The following TRAF2 variants were observed in gnomAD, a reference collection of about 807,000 sequenced individuals.
TRAF2 encodes TNF receptor-associated factor 2.
TRAF2 carries 6 observed loss-of-function variants against 55.6 expected under a neutral mutation model. The observed-to-expected ratio is 0.11, with a 90% CI of 0.06 to 0.21. TRAF2 has a LOEUF of 0.21. TRAF2 is among the 10% of genes least tolerant of loss of function. The pLI is 1.00. For synonymous variants in TRAF2, 329 were observed against 276.3 expected (o/e 1.19, Z -1.89); for missense variants, 561 against 684.5 (o/e 0.82, Z 2.01).
chr9:136,920,623 G>T (rs1850362165), intron 8 of TRAF2, 108 bp downstream of exon 8: 3 of 1,379,414 alleles, frequency 2.2e-6, no homozygotes, highest in Non-Finnish European at 1.9e-6. Context: ...CCCGGACAAT[G>T]TAGAACTCCA....
chr9:136,882,785 CG>C, upstream of TRAF2: 1 of 982,842 alleles, frequency 1.0e-6, no homozygotes, highest in South Asian at 4.7e-5. Context: ...AGCTGGTGGG[CG>C]GGGTGGGGAG....
At position 136,908,196 on chromosome 9, in the gene TRAF2, C is replaced by T. The variant is rs1175515929; in HGVS notation, c.493C>T (p.His165Tyr). 1.9e-6 allele frequency: 3 copies of T among 1,598,892 alleles called. No homozygotes were observed. Among genetic ancestry groups the T allele is most frequent in the African/African-American group, 1.3e-5 (1 of 74,898 alleles). ...CCCGGAGAGAAGCCTGAGCTGCCGG[C>T]ATTGCCGGGCACCCTGCTGCGGAGC... ...ECPERSLSCR[H>Y]CRAPCCGADV... Residue 165 changes from histidine to tyrosine, a missense_variant, in exon 5 of 11, where the codon CAT becomes TAT. By Grantham distance (83) the His-to-Tyr change is moderately conservative. Around this residue, in one of 2 missense-constraint regions of TRAF2, gnomAD observed 426 missense variants for 476.8 expected, o/e 0.89. Coordinates refer to ENST00000247668, the MANE Select transcript of TRAF2 (RefSeq NM_021138.4).
At chr9:136,919,389 C>G (rs887323577) in intron 7 of TRAF2, among the ~76,000 whole-genome samples, 3 of 150,918 alleles carry the variant, frequency 2.0e-5, no homozygotes, top group African/African-American at 4.9e-5. Flanking sequence ...ACCTCCACCT[C>G]CCGGGTTCAA....
upstream of TRAF2, among the ~76,000 whole-genome samples, chr9:136,883,261 G>C (rs1849395342): frequency 6.6e-6 from 1 of 152,168 alleles, no homozygotes; most frequent in South Asian, 2.1e-4. Flanking sequence ...ACTGGGGCAA[G>C]TACTCTGAGA....
At chr9:136,917,542 C>T (rs1378132002) in intron 7 of TRAF2, among the ~76,000 whole-genome samples, 1 of 152,200 alleles carries the variant, frequency 6.6e-6, no homozygotes, top group Non-Finnish European at 1.5e-5. Context: ...GAGGTGGTCC[C>T]CAGCTGAGGT....
At chr9:136,920,605 C>G (rs1166301873) in intron 8 of TRAF2, 90 bp downstream of exon 8, 2 of 1,437,060 alleles carry the variant, frequency 1.4e-6, no homozygotes, top group East Asian at 2.5e-5. Flanking sequence ...GGTCCTGGAG[C>G]TTTAGAGCCC....
At chr9:136,906,743 C>G (rs1042679475) in intron 4 of TRAF2, among the ~76,000 whole-genome samples, 1 of 152,248 alleles carries the variant, frequency 6.6e-6, no homozygotes, top group Non-Finnish European at 1.5e-5. Flanking sequence ...GGGCCAGAGG[C>G]CTGAGAGTCC....
At chr9:136,902,364 C>G (rs1849841394) in intron 4 of TRAF2, 1 of 152,370 alleles carries the variant, frequency 6.6e-6, no homozygotes, top group African/African-American at 2.4e-5. Flanking sequence ...CCATGCCACC[C>G]TTTGAGAGGA....
intron 1 of TRAF2, among the ~76,000 whole-genome samples, chr9:136,892,834 C>A (rs779610852): frequency 7.9e-5 from 12 of 152,104 alleles, no homozygotes; most frequent in Non-Finnish European, 1.5e-4. Flanking sequence ...TTAGATCACA[C>A]CGTTGCACTC....
At chr9:136,883,970 G>A (rs183684989), upstream of TRAF2, among the ~76,000 whole-genome samples, 12 of 148,866 alleles carry the variant, frequency 8.1e-5, no homozygotes, top group African/African-American at 3.0e-4. Context: ...GAGTACAGGC[G>A]CGTACCACCA....
chr9:136,918,266 A>T (rs200867316), intron 7 of TRAF2, among the ~76,000 whole-genome samples: 3,175 of 15,278 alleles, frequency 0.21, 107 homozygotes, highest in African/African-American at 0.37. Context: ...TATTTATTTA[A>T]TTAATTAATT....
chr9:136,919,390 C>T (rs1004517292), intron 7 of TRAF2, among the ~76,000 whole-genome samples: 1 of 149,870 alleles, frequency 6.7e-6, no homozygotes, highest in African/African-American at 2.5e-5. Flanking sequence ...CCTCCACCTC[C>T]CGGGTTCAAA....
In TRAF2 at chr9:136,925,892, A is replaced by G; in HGVS notation, c.1497A>G (p.Thr499=). 4.3e-6 allele frequency: 7 copies of G among 1,614,166 alleles called. No homozygotes were observed. Among genetic ancestry groups the G allele is most frequent in the Non-Finnish European group, 5.9e-6 (7 of 1,180,022 alleles). Residue 499 remains threonine (T), a synonymous_variant, in exon 11 of 11, where the codon ACA becomes ACG. Coordinates refer to ENST00000247668, the MANE Select transcript of TRAF2 (RefSeq NM_021138.4). ...AIFIKAIVDL[T]GL is the part of the protein sequence containing the mutation. ...TCATCAAGGCCATTGTGGACCTGACAGGGCTCTAACTGCCCCCTACTGGTG... is the reference window on the plus strand; with the variant it reads ...TCATCAAGGCCATTGTGGACCTGACGGGGCTCTAACTGCCCCCTACTGGTG...
chr9:136,902,266 ATGGCTCCCTGGGGAGG>A (rs1489953524), intron 4 of TRAF2: 1 of 152,298 alleles, frequency 6.6e-6, no homozygotes, highest in African/African-American at 2.4e-5. Context: ...TGCAAGGGAG[ATGGCTCCCTGGGGAGG>A]TGGCCCAGGG....
Position 136,911,177 on chromosome 9 carries a change from C to T in TRAF2, c.603+1183C>T, listed in dbSNP as rs185458549. On this transcript the variant is annotated intron_variant, in intron 6 of 10. Coordinates refer to ENST00000247668, the MANE Select transcript of TRAF2 (RefSeq NM_021138.4). Reference sequence around the variant, plus strand: ...AAGACGAAGACGGGCGCCCACGCAGCGCGGTGGTGTCTGGTGGGTTTTGTC... The same window carrying T: ...AAGACGAAGACGGGCGCCCACGCAGTGCGGTGGTGTCTGGTGGGTTTTGTC... Among the ~76,000 whole-genome samples the T allele has an allele frequency of 1.4e-4, 22 of 152,180 alleles. No homozygotes were observed. The East Asian group carries it at 2.5e-3, about 17-fold the overall frequency.
At chr9:136,922,517 A>G (rs1409801341) in intron 9 of TRAF2, 1 of 153,264 alleles carries the variant, frequency 6.5e-6, no homozygotes, top group Non-Finnish European at 1.5e-5. Context: ...TTTGTGTGGA[A>G]CATCTGCTTT....
intron 1 of TRAF2, among the ~76,000 whole-genome samples, chr9:136,897,681 G>A (rs1849713137): frequency 7.1e-6 from 1 of 140,534 alleles, no homozygotes; most frequent in East Asian, 2.1e-4. Context: ...AGGGAAACCC[G>A]TGGTAGCTAA....
chr9:136,924,778 C>T (rs563309028), intron 10 of TRAF2, among the ~76,000 whole-genome samples: 53 of 152,078 alleles, frequency 3.5e-4, no homozygotes, highest in Middle Eastern at 3.4e-3. Flanking sequence ...CTTGCTCTGT[C>T]GCCCAGGCTG....
At chr9:136,924,435 A>G (rs1226682541) in intron 10 of TRAF2, among the ~76,000 whole-genome samples, 1 of 151,820 alleles carries the variant, frequency 6.6e-6, no homozygotes, top group African/African-American at 2.4e-5. Flanking sequence ...GGTGGTGTGC[A>G]CCTGTATTCC....
Sources: allele counts gnomAD v4.1 joint callset (sites outside exome capture counted in the v4.1 genomes callset), GRCh38; gene constraint gnomAD v4.1.1; regional missense constraint gnomAD v4.1.1; transcripts MANE v1.5; gene names NCBI Gene and HGNC (gene_info 2026-07-23, HGNC 2026-07-21).